Variants in CHD9 observed in about 807,000 individuals in gnomAD.
CHD9 encodes chromodomain helicase DNA binding protein 9.
A neutral mutation model predicts 316.1 loss-of-function variants in CHD9; 77 were observed. That is an observed-to-expected ratio of 0.24 (90% confidence interval 0.20 to 0.29). The LOEUF (loss-of-function observed/expected upper bound fraction) is 0.29, where lower values mean the gene tolerates loss of function less well. Among genes scored for constraint, CHD9 ranks in the 10% least tolerant of loss-of-function variants. The pLI, the probability that CHD9 is intolerant of heterozygous loss-of-function variation, is 1.00. For missense variants in CHD9, 2,763 were observed against 3,438.1 expected, an observed-to-expected ratio of 0.80 and a Z score of 4.91; for synonymous variants, 1,129 against 1,158.3, an observed-to-expected ratio of 0.97 and a Z score of 0.51.
At chr16:53,137,941 T>C (rs2039839444) in intron 1 of CHD9, among the ~76,000 whole-genome samples, 1 of 152,106 alleles carries the variant, frequency 6.6e-6, no homozygotes, top group African/African-American at 2.4e-5. Flanking sequence ...TTTTATTGAA[T>C]GATAGAGAAT....
At chr16:53,313,547 C>G (rs1368906467) in intron 34 of CHD9, among the ~76,000 whole-genome samples, 2 of 152,076 alleles carry the variant, frequency 1.3e-5, no homozygotes, top group Non-Finnish European at 2.9e-5. Flanking sequence ...CTCAGGTGAT[C>G]TGCCCACCTC....
chr16:53,234,502 T>G (rs1033114588), intron 10 of CHD9, among the ~76,000 whole-genome samples: 1 of 152,188 alleles, frequency 6.6e-6, no homozygotes, highest in Non-Finnish European at 1.5e-5. Context: ...GGAAGTTCCC[T>G]TCTATTCAAA....
intron 1 of CHD9, among the ~76,000 whole-genome samples, chr16:53,145,561 CTG>C (rs2040505769): frequency 6.6e-6 from 1 of 151,880 alleles, no homozygotes; most frequent in Non-Finnish European, 1.5e-5. Context: ...ACAAAATTAG[CTG>C]AGCGTGGTGG....
intron 24 of CHD9, among the ~76,000 whole-genome samples, chr16:53,277,556 T>C (rs1166096515): frequency 6.6e-6 from 1 of 152,164 alleles, no homozygotes; most frequent in East Asian, 1.9e-4. Flanking sequence ...CACTTTATGA[T>C]TAAAACTCTC....
intron 2 of CHD9, among the ~76,000 whole-genome samples, chr16:53,174,007 A>T (rs1489603803): frequency 6.6e-6 from 1 of 152,164 alleles, no homozygotes; most frequent in African/African-American, 2.4e-5. Flanking sequence ...ATTCAAGATA[A>T]TTTTGAATTC....
intron 19 of CHD9, among the ~76,000 whole-genome samples, chr16:53,258,403 T>C (rs1001856991): frequency 6.6e-6 from 1 of 152,166 alleles, no homozygotes; most frequent in African/African-American, 2.4e-5. Flanking sequence ...GGTACCACAA[T>C]GCTGAGGAGA....
chr16:53,261,359 C>CTTTTT (rs1195811638), intron 19 of CHD9, among the ~76,000 whole-genome samples: 703 of 61,876 alleles, frequency 0.011, 76 homozygotes, highest in Non-Finnish European at 0.016. Context: ...GTGTTTTAGA[C>CTTTTT]TTTTTTTTTT....
rs568499249 is a variant in CHD9, at chr16:53,077,617, G to A, written c.-165+22540G>A. Among the ~76,000 whole-genome samples the A allele has an allele frequency of 3.9e-5, 6 of 152,186 alleles. No homozygotes were observed. In the South Asian group the frequency reaches 8.3e-4, roughly 21 times the overall value. ...GCTGGGATTACAGGTATGAGCCACC[G>A]CGCCCAGCCTAAAATTTTATTTTTA... is the stretch of plus-strand genomic sequence containing the variant. On this transcript the variant is annotated intron_variant, in intron 1 of 38. Coordinates refer to ENST00000447540, the MANE Select transcript of CHD9 (RefSeq NM_001308319.2).
At chr16:53,237,495 C>T (rs535402164) in intron 11 of CHD9, among the ~76,000 whole-genome samples, 1 of 152,232 alleles carries the variant, frequency 6.6e-6, no homozygotes, top group African/African-American at 2.4e-5. Context: ...ATTTATGACC[C>T]TACTTACCTC....
At chr16:53,177,248 G>A (rs907731239) in intron 2 of CHD9, among the ~76,000 whole-genome samples, 6 of 152,114 alleles carry the variant, frequency 3.9e-5, no homozygotes, top group East Asian at 1.9e-4. Flanking sequence ...GAGCCACTGC[G>A]CCTGGCCGAC....
chr16:53,078,756 A>T (rs1381395592), intron 1 of CHD9, among the ~76,000 whole-genome samples: 2 of 151,440 alleles, frequency 1.3e-5, no homozygotes, highest in Non-Finnish European at 2.9e-5. Context: ...CATTCCCCTA[A>T]CTCCTCATGG....
Position 53,156,085 on chromosome 16 carries a change from T to C in CHD9, c.-5T>C, listed in dbSNP as rs369713638. On this transcript the variant is annotated 5_prime_UTR_variant, in exon 2 of 39. Transcript: ENST00000447540. ...AACAGCCCGGATTGTTACAGAATTTTCAAGATGACAGATCCAATGATGGAC... is the reference window on the plus strand; with the variant it reads ...AACAGCCCGGATTGTTACAGAATTTCCAAGATGACAGATCCAATGATGGAC... 92 of 1,608,112 alleles carry C rather than the reference T, an allele frequency of 5.7e-5. 1 individual carries two copies. The highest frequency in any genetic ancestry group is 3.7e-4 in the African/African-American group (28 of 74,780).
At chr16:53,211,182 A>T (rs1567486635) in intron 3 of CHD9, among the ~76,000 whole-genome samples, 1 of 152,152 alleles carries the variant, frequency 6.6e-6, no homozygotes, top group Non-Finnish European at 1.5e-5. Flanking sequence ...TTGGTTGATA[A>T]ACTTTTAAAA....
intron 1 of CHD9, among the ~76,000 whole-genome samples, chr16:53,096,116 G>A (rs1330403619): frequency 6.6e-6 from 1 of 150,612 alleles, no homozygotes; most frequent in East Asian, 2.0e-4. Context: ...TGAGTTCAGT[G>A]GCACAATCAT....
chr16:53,156,502 G>A lies in CHD9; in HGVS notation c.413G>A (p.Gly138Glu). 1 of 1,613,892 alleles carries A rather than the reference G, an allele frequency of 6.2e-7. No homozygotes were observed. Among genetic ancestry groups the A allele is most frequent in the Admixed American group, 1.7e-5 (1 of 60,004 alleles). ...GCTACTACCATTTCAAATCAAAATG[G>A]ATCTCCTTTTCACCAACAAGGACAT... Reference protein sequence around the residue: ...QTATTISNQNGSPFHQQGHSH... With the variant: ...QTATTISNQNESPFHQQGHSH... Residue 138 changes from glycine to glutamate, a missense_variant, in exon 2 of 39, where the codon GGA becomes GAA. Physicochemically the swap from Gly to Glu is moderately conservative, Grantham distance 98 (BLOSUM62 -2). Coordinates refer to ENST00000447540, the MANE Select transcript of CHD9 (RefSeq NM_001308319.2).
chr16:53,085,134 A>G lies in CHD9; in HGVS notation c.-165+30057A>G, dbSNP rs537177396. On this transcript the variant is annotated intron_variant, in intron 1 of 38. Coordinates refer to ENST00000447540, the MANE Select transcript of CHD9 (RefSeq NM_001308319.2). ...AGGGCCACATTCGTCCATAATAGCA[A>G]TCAGCTAGAGCCAGAAGTGAGTAGC... 2.4e-3 allele frequency among the ~76,000 whole-genome samples: 373 copies of G among 152,302 alleles called. 3 individuals carry two copies. Among genetic ancestry groups the G allele is most frequent in the African/African-American group, 8.6e-3 (358 of 41,570 alleles).
intron 1 of CHD9, among the ~76,000 whole-genome samples, chr16:53,111,574 C>A (rs899591963): frequency 1.3e-5 from 2 of 152,168 alleles, no homozygotes; most frequent in African/African-American, 4.8e-5. Context: ...CTTACACTTA[C>A]CACTAGCTCC....
intron 1 of CHD9, among the ~76,000 whole-genome samples, chr16:53,101,517 A>C (rs1219228857): frequency 2.0e-5 from 3 of 152,152 alleles, no homozygotes; most frequent in African/African-American, 7.2e-5. Context: ...ATGTAAACTT[A>C]TGAAGTTACT....
chr16:53,315,852 C>T (rs2056842303), intron 36 of CHD9, among the ~76,000 whole-genome samples: 1 of 152,196 alleles, frequency 6.6e-6, no homozygotes, highest in Non-Finnish European at 1.5e-5. Context: ...AGCAAACAGA[C>T]TCTTAAATCT....
Sources: allele counts gnomAD v4.1 joint callset (sites outside exome capture counted in the v4.1 genomes callset), GRCh38; gene constraint gnomAD v4.1.1; transcripts MANE v1.5; gene names NCBI Gene and HGNC (gene_info 2026-07-23, HGNC 2026-07-21).